Variants in INPP4B observed in about 807,000 individuals in gnomAD.
INPP4B encodes the protein inositol polyphosphate-4-phosphatase type II B, also known as inositol polyphosphate 4-phosphatase type II.
A neutral mutation model predicts 122.5 loss-of-function variants in INPP4B; 55 were observed. The observed-to-expected ratio is 0.45, with a 90% CI of 0.36 to 0.56. The LOEUF (loss-of-function observed/expected upper bound fraction) is 0.56. INPP4B is among the 20% of genes least tolerant of loss of function. The pLI is 0.00. For synonymous variants in INPP4B, 403 were observed against 388.7 expected, an observed-to-expected ratio of 1.04 and a Z score of -0.43; for missense variants, 1,000 against 1,097.7, an observed-to-expected ratio of 0.91 and a Z score of 1.26.
intron 2 of INPP4B, among the ~76,000 whole-genome samples, chr4:142,652,517 C>A (rs973623802): frequency 2.0e-5 from 3 of 152,188 alleles, no homozygotes; most frequent in African/African-American, 7.2e-5. Flanking sequence ...GCAACTTCAG[C>A]AAAGTCTCAG....
intron 17 of INPP4B, among the ~76,000 whole-genome samples, chr4:142,152,035 T>A: frequency 6.6e-6 from 1 of 151,238 alleles, no homozygotes; most frequent in Non-Finnish European, 1.5e-5. Flanking sequence ...GTTTCATGCT[T>A]CTCTCTGCCT....
At chr4:142,637,609 G>T (rs115480219) in intron 2 of INPP4B, among the ~76,000 whole-genome samples, 1,752 of 152,302 alleles carry the variant, frequency 0.012, 31 homozygotes, top group African/African-American at 0.032. Context: ...CTGAAGGACA[G>T]CTTGGTTACT....
intron 1 of INPP4B, among the ~76,000 whole-genome samples, chr4:142,841,571 C>A (rs190903081): frequency 6.6e-6 from 1 of 151,954 alleles, no homozygotes; most frequent in East Asian, 1.9e-4. Flanking sequence ...GCTCATATTT[C>A]TGTCAAATTT....
intron 1 of INPP4B, among the ~76,000 whole-genome samples, chr4:142,746,109 T>C (rs948749702): frequency 2.6e-5 from 4 of 152,010 alleles, no homozygotes. Context: ...TTAGTAGTTA[T>C]AGAATACTAT....
intron 3 of INPP4B, among the ~76,000 whole-genome samples, chr4:142,450,269 G>A (rs1412313211): frequency 6.6e-6 from 1 of 152,178 alleles, no homozygotes; most frequent in Non-Finnish European, 1.5e-5. Context: ...GGAATGTGTT[G>A]GAGGTTAGCA....
chr4:142,115,536 C>A (rs990529355), intron 21 of INPP4B, among the ~76,000 whole-genome samples: 3 of 152,048 alleles, frequency 2.0e-5, no homozygotes, highest in African/African-American at 7.2e-5. Flanking sequence ...AATTTTCAAC[C>A]CAGAATTTCA....
At chr4:142,472,888 T>A (rs1819138743) in intron 2 of INPP4B, among the ~76,000 whole-genome samples, 1 of 152,218 alleles carries the variant, frequency 6.6e-6, no homozygotes, top group Admixed American at 6.5e-5. Flanking sequence ...TTCTACTTTA[T>A]GAATTTTTCT....
intron 2 of INPP4B, among the ~76,000 whole-genome samples, chr4:142,636,291 G>C (rs1749148417): frequency 6.6e-6 from 1 of 151,814 alleles, no homozygotes; most frequent in South Asian, 2.1e-4. Flanking sequence ...CATGAGAATG[G>C]ACTAATACAG....
intron 1 of INPP4B, among the ~76,000 whole-genome samples, chr4:142,788,775 A>C (rs1316101665): frequency 6.6e-6 from 1 of 152,132 alleles, no homozygotes; most frequent in Non-Finnish European, 1.5e-5. Flanking sequence ...AATCTCATCC[A>C]GGTTGCTGTG....
At chr4:142,557,943 C>G (rs1035481007) in intron 2 of INPP4B, among the ~76,000 whole-genome samples, 2 of 152,164 alleles carry the variant, frequency 1.3e-5, no homozygotes, top group Non-Finnish European at 1.5e-5. Flanking sequence ...ACGAACTGTT[C>G]AACGACAAAG....
intron 2 of INPP4B, among the ~76,000 whole-genome samples, chr4:142,545,759 G>GTGTGTATATATATACACACA (rs1560782243): frequency 1.7e-4 from 12 of 70,848 alleles, no homozygotes; most frequent in African/African-American, 5.6e-4. Flanking sequence ...ATATACACAT[G>GTGTGTATATATATACACACA]TATATGTGTG....
At chr4:142,837,419 C>A (rs929872117) in intron 1 of INPP4B, among the ~76,000 whole-genome samples, 24 of 152,128 alleles carry the variant, frequency 1.6e-4, no homozygotes, top group African/African-American at 5.1e-4. Context: ...CAATCTTGGT[C>A]CAAGACCCAA....
At chr4:142,418,790 A>G (rs1806273867) in intron 5 of INPP4B, among the ~76,000 whole-genome samples, 1 of 152,296 alleles carries the variant, frequency 6.6e-6, no homozygotes, top group South Asian at 2.1e-4. Flanking sequence ...AATTGAAGCC[A>G]TTGGAAGATC....
chr4:142,343,971 G>A (rs1188375232), intron 7 of INPP4B, among the ~76,000 whole-genome samples: 1 of 152,014 alleles, frequency 6.6e-6, no homozygotes, highest in East Asian at 1.9e-4. Context: ...AGCTCACTAA[G>A]TATCACTTTT....
intron 2 of INPP4B, among the ~76,000 whole-genome samples, chr4:142,689,970 A>G (rs1348908685): frequency 6.6e-6 from 1 of 152,206 alleles, no homozygotes; most frequent in African/African-American, 2.4e-5. Flanking sequence ...TACTGTCTGC[A>G]TAACAAAATT....
At chr4:142,765,132 T>C (rs1013423719) in intron 1 of INPP4B, among the ~76,000 whole-genome samples, 4 of 152,128 alleles carry the variant, frequency 2.6e-5, no homozygotes, top group African/African-American at 4.8e-5. Context: ...AAAAATGTCA[T>C]GGCATTCTGC....
At chr4:142,315,098 C>T (rs1366561771) in intron 7 of INPP4B, among the ~76,000 whole-genome samples, 1 of 152,118 alleles carries the variant, frequency 6.6e-6, no homozygotes, top group Non-Finnish European at 1.5e-5. Flanking sequence ...GAAAGCAATT[C>T]CATGCATGCA....
At chr4:142,373,185 A>G (rs1438558113) in intron 7 of INPP4B, among the ~76,000 whole-genome samples, 3 of 152,044 alleles carry the variant, frequency 2.0e-5, no homozygotes, top group African/African-American at 7.2e-5. Context: ...TATGTGTCAT[A>G]AATTCTATTT....
chr4:142,028,830 G>T lies in INPP4B; in HGVS notation c.2727C>A (p.Pro909=), dbSNP rs2152254652. ...TCCCCTCTGGAGGTCTGTAGTACTT[G>T]GGGAAAGCCATCAGCTGTAGCATGT... ...AFNMLQLMAF[P]KYYRPPEGTY... is the part of the protein sequence containing the mutation. Residue 909 remains proline, a synonymous_variant, in exon 26 of 26, where the codon CCC becomes CCA. Coordinates refer to ENST00000262992, the MANE Select transcript of INPP4B (RefSeq NM_001101669.3). The T allele has an allele frequency of 3.1e-6, 5 of 1,613,500 alleles. No homozygotes were observed. The highest frequency in any genetic ancestry group is 4.2e-6 in the Non-Finnish European group (5 of 1,179,658).
Sources: allele counts gnomAD v4.1 joint callset (sites outside exome capture counted in the v4.1 genomes callset), GRCh38; gene constraint gnomAD v4.1.1; transcripts MANE v1.5; gene names NCBI Gene and HGNC (gene_info 2026-07-23, HGNC 2026-07-21).